Variants in NAV3 observed in about 807,000 individuals in gnomAD.
NAV3 encodes the protein neuron navigator 3.
In NAV3, 87 loss-of-function variants were observed where a neutral mutation model predicts 244.7. That is an observed-to-expected ratio of 0.36 (90% confidence interval 0.30 to 0.42). The LOEUF is 0.42. Among genes scored for constraint, NAV3 ranks in the 20% least tolerant of loss-of-function variants. NAV3 has a pLI of 1.00. For synonymous variants in NAV3, 1,126 were observed against 1,042.2 expected, an observed-to-expected ratio of 1.08 and a Z score of -1.55; for missense variants, 2,663 against 2,893.3, an observed-to-expected ratio of 0.92 and a Z score of 1.83.
intron 31 of NAV3, among the ~76,000 whole-genome samples, chr12:78,186,087 C>T (rs778103775): frequency 1.3e-5 from 2 of 151,798 alleles, no homozygotes; most frequent in Non-Finnish European, 2.9e-5. Context: ...AGACTCTAAA[C>T]TAAATGAATA....
intron 2 of NAV3, among the ~76,000 whole-genome samples, chr12:77,755,670 T>C (rs977127930): frequency 1.5e-5 from 2 of 131,900 alleles, no homozygotes; most frequent in Middle Eastern, 3.7e-3. Flanking sequence ...CTCTCTCTCT[T>C]TCTTTCTCTC....
chr12:78,204,057 T>C lies in NAV3; in HGVS notation c.6835-878T>C, dbSNP rs35201004. Among the ~76,000 whole-genome samples, 118 of 152,198 alleles carry C rather than the reference T, an allele frequency of 7.8e-4. 1 individual carries two copies. The highest frequency in any genetic ancestry group is 3.4e-3 in the Middle Eastern group (1 of 294). On this transcript the variant is annotated intron_variant, in intron 38 of 39. Transcript: ENST00000397909. ...GCAAAGTTGATAATTCAGTTTCCTA[T>C]TTTTTATCCTCTTTTACTAGTGGCC...
At chr12:77,907,210 A>G (rs111772305) in intron 1 of NAV3, among the ~76,000 whole-genome samples, 1 of 152,168 alleles carries the variant, frequency 6.6e-6, no homozygotes, top group African/African-American at 2.4e-5. Context: ...GGCGAAAGCC[A>G]TGTGTGAAGG....
chr12:77,938,340 A>C (rs556111881), intron 1 of NAV3, among the ~76,000 whole-genome samples: 62 of 152,234 alleles, frequency 4.1e-4, no homozygotes, highest in African/African-American at 1.5e-3. Flanking sequence ...TCCACCTAAA[A>C]ATCATGTATT....
In NAV3 at chr12:78,050,790, C is replaced by A; in HGVS notation, c.2159C>A (p.Thr720Asn). ...ACCCTGGAGACAACATTTGACAGCA[C>A]TGTGACAACAGAAGTTAATGGAAGG... is the stretch of plus-strand genomic sequence containing the variant. ...HSTLETTFDS[T>N]VTTEVNGRTI... The change falls in exon 11 of 40, where the codon ACT becomes AAT. Residue 720 changes from threonine (T) to asparagine (N), a missense_variant. Around this residue, in one of 6 missense-constraint regions of NAV3, gnomAD observed 1,521 missense variants for 1,497.0 expected, o/e 1.02. Transcript: ENST00000397909. 6.2e-7 allele frequency: 1 copy of A among 1,605,514 alleles called. No individual in the cohort carries two copies.
At chr12:77,925,964 T>TA in intron 1 of NAV3, among the ~76,000 whole-genome samples, 1 of 152,184 alleles carries the variant, frequency 6.6e-6, no homozygotes, top group Non-Finnish European at 1.5e-5. Flanking sequence ...AATATTTGCT[T>TA]AGAGTTGATG....
chr12:77,724,331 C>T lies in NAV3; in HGVS notation c.72+152065C>T, dbSNP rs979503428. On this transcript the variant is annotated intron_variant, in intron 2 of 8. Coordinates refer to the NAV3 transcript ENST00000550042. ...TTAAAAAACTTTCATTCAATGCCTG[C>T]AAATAAATTAACTCAAAGATGTTCA... is the stretch of plus-strand genomic sequence containing the variant. 2.6e-5 allele frequency among the ~76,000 whole-genome samples: 4 copies of T among 151,754 alleles called. No individual in the cohort carries two copies. In the Admixed American group the frequency reaches 2.6e-4, roughly 10 times the overall value.
At chr12:77,661,251 T>C (rs1873432436) in intron 2 of NAV3, among the ~76,000 whole-genome samples, 2 of 152,164 alleles carry the variant, frequency 1.3e-5, no homozygotes, top group Non-Finnish European at 2.9e-5. Flanking sequence ...CTTCAGTTTG[T>C]CAGTCTCTTT....
At chr12:77,963,272 C>T (rs1216774638) in intron 3 of NAV3, among the ~76,000 whole-genome samples, 1 of 152,022 alleles carries the variant, frequency 6.6e-6, no homozygotes, top group East Asian at 1.9e-4. Context: ...AAAATCTTTA[C>T]AATTTCTTGA....
chr12:77,684,946 CCTT>C (rs1874647627), intron 2 of NAV3, among the ~76,000 whole-genome samples: 1 of 152,082 alleles, frequency 6.6e-6, no homozygotes, highest in Admixed American at 6.6e-5. Context: ...GTTGCTGACA[CCTT>C]CGTCAGAATC....
Position 78,198,632 on chromosome 12 carries a change from G to C in NAV3, c.6474G>C (p.Gln2158His). Reference sequence around the variant, plus strand: ...CATATATTATTGGAACAATGAATCAGGGAGTTTCTTCATCACCAAATCTAG... The same window carrying C: ...CATATATTATTGGAACAATGAATCACGGAGTTTCTTCATCACCAAATCTAG... The part of the protein sequence containing the change: ...KCPYIIGTMN[Q>H]GVSSSPNLEL... The change falls in exon 36 of 40, where the codon CAG becomes CAC. Residue 2158 changes from glutamine (Q) to histidine (H), a missense_variant. Around this residue, in one of 6 missense-constraint regions of NAV3, gnomAD observed 543 missense variants for 672.4 expected, o/e 0.81. Transcript: ENST00000397909. 6.2e-7 allele frequency: 1 copy of C among 1,600,164 alleles called. No homozygotes were observed. The highest frequency in any genetic ancestry group is 8.5e-7 in the Non-Finnish European group (1 of 1,172,616).
intron 2 of NAV3, among the ~76,000 whole-genome samples, chr12:77,679,026 T>C (rs1390330027): frequency 6.6e-6 from 1 of 152,186 alleles, no homozygotes; most frequent in East Asian, 1.9e-4. Context: ...TTTGTGTTAT[T>C]TTACTTGTGA....
At chr12:77,625,670 A>G (rs1191561766) in intron 2 of NAV3, among the ~76,000 whole-genome samples, 3 of 152,210 alleles carry the variant, frequency 2.0e-5, no homozygotes, top group Non-Finnish European at 4.4e-5. Context: ...ACTGAGAAAC[A>G]AACAGACACC....
chr12:78,058,184 GT>G (rs1259141418), intron 11 of NAV3, among the ~76,000 whole-genome samples: 9 of 152,086 alleles, frequency 5.9e-5, no homozygotes, highest in African/African-American at 2.2e-4. Context: ...CTATTAGTGT[GT>G]TCTCACTCTG....
In NAV3 at chr12:78,119,642, T is replaced by C; in HGVS notation, c.3446T>C (p.Ile1149Thr). 1 of 1,614,174 alleles carries C rather than the reference T, an allele frequency of 6.2e-7. No individual in the cohort carries two copies. Among genetic ancestry groups the C allele is most frequent in the Non-Finnish European group, 8.5e-7 (1 of 1,180,024 alleles). Reference sequence around the variant, plus strand: ...CCTTCAAAATCCAGCACCAGTGGCATTCCTGGCCGAGGAGGCCACAGATCC... The same window carrying C: ...CCTTCAAAATCCAGCACCAGTGGCACTCCTGGCCGAGGAGGCCACAGATCC... The part of the protein sequence containing the change: ...PRPSKSSTSG[I>T]PGRGGHRSST... Residue 1149 changes from isoleucine to threonine, a missense_variant, in exon 15 of 40, where the codon ATT becomes ACT. Around this residue, in one of 6 missense-constraint regions of NAV3, gnomAD observed 1,521 missense variants for 1,497.0 expected, o/e 1.02. Coordinates refer to ENST00000397909, the MANE Select transcript of NAV3 (RefSeq NM_001024383.2).
intron 11 of NAV3, among the ~76,000 whole-genome samples, chr12:78,056,678 G>T (rs889926729): frequency 6.6e-6 from 1 of 151,296 alleles, no homozygotes; most frequent in Non-Finnish European, 1.5e-5. Flanking sequence ...GCAGTGAGCC[G>T]AGATCTCACC....
chr12:78,126,820 T>C (rs2138799060), intron 16 of NAV3, among the ~76,000 whole-genome samples: 1 of 152,334 alleles, frequency 6.6e-6, no homozygotes, highest in African/African-American at 2.4e-5. Flanking sequence ...TCATTTTGCA[T>C]GTGATATCAT....
intron 3 of NAV3, among the ~76,000 whole-genome samples, chr12:77,965,706 A>G (rs1892452774): frequency 6.6e-6 from 1 of 152,210 alleles, no homozygotes; most frequent in Non-Finnish European, 1.5e-5. Flanking sequence ...TTTAATCAGC[A>G]GATTATTCAC....
intron 11 of NAV3, among the ~76,000 whole-genome samples, chr12:78,055,229 TATGTGTATATATACATATATATGCAC>T (rs1883311144): frequency 2.7e-3 from 2 of 748 alleles, no homozygotes; most frequent in Non-Finnish European, 4.5e-3. Context: ...TATGCACACA[TATGTGTATATATACATATATATGCAC>T]ACATATGTGT....
Sources: allele counts gnomAD v4.1 joint callset (sites outside exome capture counted in the v4.1 genomes callset), GRCh38; gene constraint gnomAD v4.1.1; regional missense constraint gnomAD v4.1.1; transcripts MANE v1.5; gene names NCBI Gene and HGNC (gene_info 2026-07-23, HGNC 2026-07-21).